ZNF254: variants seen among roughly 807,000 people sequenced by gnomAD.
ZNF254 encodes zinc finger protein 254.
In ZNF254, 10 loss-of-function variants were observed where a neutral mutation model predicts 12.4. The ratio of observed to expected loss-of-function variants is 0.80; its 90% CI spans 0.50 to 1.36. ZNF254 has a LOEUF of 1.36. Among genes scored for constraint, ZNF254 ranks in the 40% most tolerant of loss-of-function variants. The pLI is 0.00. For missense variants in ZNF254, 996 were observed against 763.9 expected, an observed-to-expected ratio of 1.30 and a Z score of -3.58; for synonymous variants, 305 against 253.4, an observed-to-expected ratio of 1.20 and a Z score of -1.93.
intron 1 of ZNF254, among the ~76,000 whole-genome samples, chr19:24,033,837 G>A (rs1011840495): frequency 7.2e-5 from 11 of 152,248 alleles, no homozygotes; most frequent in African/African-American, 2.7e-4. Flanking sequence ...TCCCTGGGCA[G>A]CTCTGCATGC....
chr19:24,050,701 C>G (rs1255952532), intron 2 of ZNF254, among the ~76,000 whole-genome samples: 1 of 152,204 alleles, frequency 6.6e-6, no homozygotes, highest in Non-Finnish European at 1.5e-5. Context: ...GACCTGTCCA[C>G]AGTAGGGATT....
chr19:24,085,408 G>GTA (rs377541868), upstream of ZNF254, among the ~76,000 whole-genome samples: 47 of 32,712 alleles, frequency 1.4e-3, 7 homozygotes, highest in South Asian at 7.2e-3. Flanking sequence ...TTTGTTAAGG[G>GTA]TATATATATA....
intron 1 of ZNF254, among the ~76,000 whole-genome samples, chr19:24,089,403 GT>G (rs896958379): frequency 6.6e-6 from 1 of 151,256 alleles, no homozygotes; most frequent in South Asian, 2.1e-4. Flanking sequence ...ATATCTCTGC[GT>G]TTTTTTTTCT....
chr19:24,116,488 C>G (rs1027264885), intron 3 of ZNF254, among the ~76,000 whole-genome samples: 2 of 152,056 alleles, frequency 1.3e-5, no homozygotes, highest in African/African-American at 2.4e-5. Context: ...GTGATTGCAT[C>G]AGCTCCTGAG....
intron 2 of ZNF254, among the ~76,000 whole-genome samples, chr19:24,060,725 AGAT>A (rs1478574708): frequency 3.3e-5 from 5 of 152,200 alleles, no homozygotes; most frequent in Non-Finnish European, 5.9e-5. Flanking sequence ...TTCATCATCT[AGAT>A]GATATGACTC....
At chr19:24,118,054 TTTC>T (rs947623307) in intron 3 of ZNF254, among the ~76,000 whole-genome samples, 2 of 151,508 alleles carry the variant, frequency 1.3e-5, no homozygotes, top group African/African-American at 4.8e-5. Flanking sequence ...TTTTTTTTCT[TTTC>T]TTTTTTTTTT....
intron 2 of ZNF254, among the ~76,000 whole-genome samples, chr19:24,056,138 G>T (rs1261145512): frequency 6.6e-6 from 1 of 152,110 alleles, no homozygotes; most frequent in Non-Finnish European, 1.5e-5. Context: ...ACACTTAAAT[G>T]ATTTGAGTCT....
chr19:24,102,005 C>T (rs1032661194), intron 1 of ZNF254, among the ~76,000 whole-genome samples: 2 of 152,174 alleles, frequency 1.3e-5, no homozygotes, highest in African/African-American at 4.8e-5. Context: ...AAACTAATTG[C>T]TTCTATTTCA....
At chr19:24,113,294 C>G (rs527691864) in intron 3 of ZNF254, among the ~76,000 whole-genome samples, 1 of 152,106 alleles carries the variant, frequency 6.6e-6, no homozygotes, top group African/African-American at 2.4e-5. Context: ...AAAATACTGG[C>G]AAACTGAATC....
intron 2 of ZNF254, among the ~76,000 whole-genome samples, chr19:24,053,766 A>G (rs900943746): frequency 1.4e-5 from 2 of 147,036 alleles, no homozygotes; most frequent in African/African-American, 4.9e-5. Flanking sequence ...GTATTATAAC[A>G]TATCTTTTTA....
chr19:24,106,327 C>A, intron 2 of ZNF254: 1 of 532,738 alleles, frequency 1.9e-6, no homozygotes, highest in Non-Finnish European at 2.9e-6. Context: ...TCTTAAAATC[C>A]ATTTGGCATC....
chr19:24,054,055 G>GCCTGC (rs1313570377), intron 2 of ZNF254, among the ~76,000 whole-genome samples: 3 of 152,106 alleles, frequency 2.0e-5, no homozygotes, highest in African/African-American at 7.2e-5. Context: ...GAAATATTGT[G>GCCTGC]ACATATCCCT....
At chr19:24,076,859 C>A (rs1971678052) in intron 2 of ZNF254, among the ~76,000 whole-genome samples, 2 of 152,110 alleles carry the variant, frequency 1.3e-5, no homozygotes, top group Non-Finnish European at 2.9e-5. Flanking sequence ...AATTACTAAT[C>A]CAATAGAAAA....
At chr19:24,090,347 A>G (rs1289547558) in intron 1 of ZNF254, among the ~76,000 whole-genome samples, 1 of 152,136 alleles carries the variant, frequency 6.6e-6, no homozygotes, top group African/African-American at 2.4e-5. Context: ...ATGGGGTGGG[A>G]CAGTCTCTCA....
intron 2 of ZNF254, among the ~76,000 whole-genome samples, chr19:24,065,138 T>A (rs1437946750): frequency 6.6e-6 from 1 of 152,112 alleles, no homozygotes; most frequent in African/African-American, 2.4e-5. Context: ...CCTTGGAATA[T>A]ATTTTTTTAT....
chr19:24,089,315 A>T (rs1307365055), intron 1 of ZNF254, among the ~76,000 whole-genome samples: 1 of 152,184 alleles, frequency 6.6e-6, no homozygotes, highest in Non-Finnish European at 1.5e-5. Context: ...TGGCACATTT[A>T]AAAAGGTTTG....
intron 1 of ZNF254, among the ~76,000 whole-genome samples, chr19:24,043,669 G>A (rs770324752): frequency 2.0e-5 from 3 of 152,124 alleles, no homozygotes; most frequent in Non-Finnish European, 4.4e-5. Context: ...ACACAAAAAA[G>A]CATGCACAAA....
intron 3 of ZNF254, among the ~76,000 whole-genome samples, chr19:24,113,695 C>A (rs1235286402): frequency 6.6e-6 from 1 of 152,082 alleles, no homozygotes; most frequent in African/African-American, 2.4e-5. Flanking sequence ...GGCAATTAGG[C>A]AGGAGAAGGA....
At chr19:24,053,630 G>A (rs1019193550) in intron 2 of ZNF254, among the ~76,000 whole-genome samples, 2 of 152,104 alleles carry the variant, frequency 1.3e-5, no homozygotes, top group African/African-American at 4.8e-5. Context: ...ATATTGCTGG[G>A]TCAGAACCTA....
Sources: allele counts gnomAD v4.1 joint callset (sites outside exome capture counted in the v4.1 genomes callset), GRCh38; gene constraint gnomAD v4.1.1; transcripts MANE v1.5; gene names NCBI Gene and HGNC (gene_info 2026-07-23, HGNC 2026-07-21).